Variants in FAM107B observed in about 807,000 individuals in gnomAD.
FAM107B encodes the protein protein FAM107B.
FAM107B carries 21 observed loss-of-function variants against 31.5 expected under a neutral mutation model. That is an observed-to-expected ratio of 0.67 (90% CI 0.47 to 0.96). FAM107B has a LOEUF of 0.96. Among genes scored for constraint, FAM107B ranks in the 40% least tolerant of loss-of-function variants. The pLI is 0.00. For synonymous variants in FAM107B, 157 were observed against 141.5 expected, an observed-to-expected ratio of 1.11 and a Z score of -0.78; for missense variants, 452 against 377.1, an observed-to-expected ratio of 1.20 and a Z score of -1.64.
At chr10:14,740,241 G>A (rs112925155) in intron 1 of FAM107B, among the ~76,000 whole-genome samples, 3 of 152,306 alleles carry the variant, frequency 2.0e-5, no homozygotes, top group African/African-American at 7.2e-5. Context: ...AAACACACAT[G>A]TGGAACATCC....
At chr10:14,522,246 A>G (rs72784932) in intron 3 of FAM107B, 4 of 571,932 alleles carry the variant, frequency 7.0e-6, no homozygotes, top group Admixed American at 3.3e-5. Context: ...TTCAATGACA[A>G]TGTATTGGCC....
At chr10:14,597,617 G>C (rs1196761035) in intron 2 of FAM107B, among the ~76,000 whole-genome samples, 1 of 152,186 alleles carries the variant, frequency 6.6e-6, no homozygotes, top group Non-Finnish European at 1.5e-5. Flanking sequence ...GTGTCCCTGT[G>C]TCCGCATCTT....
chr10:14,633,408 A>G (rs930098092), intron 2 of FAM107B, among the ~76,000 whole-genome samples: 1 of 152,236 alleles, frequency 6.6e-6, no homozygotes, highest in African/African-American at 2.4e-5. Flanking sequence ...TGTTAAAACT[A>G]TTCTGGGAAA....
At chr10:14,533,253 G>C (rs976982432) in intron 2 of FAM107B, among the ~76,000 whole-genome samples, 1 of 152,142 alleles carries the variant, frequency 6.6e-6, no homozygotes, top group Admixed American at 6.6e-5. Context: ...AGCATAGGTA[G>C]GCGGAGAGCC....
intron 1 of FAM107B, among the ~76,000 whole-genome samples, chr10:14,728,344 T>C (rs903856928): frequency 6.6e-6 from 1 of 151,942 alleles, no homozygotes; most frequent in Non-Finnish European, 1.5e-5. Context: ...TGTGTGTGTG[T>C]GTGTGTGCTT....
intron 2 of FAM107B, among the ~76,000 whole-genome samples, chr10:14,598,880 T>G (rs533800251): frequency 6.6e-6 from 1 of 152,154 alleles, no homozygotes; most frequent in South Asian, 2.1e-4. Context: ...CTCAAGGGGT[T>G]ACGGGACTTG....
intron 1 of FAM107B, among the ~76,000 whole-genome samples, chr10:14,734,010 T>G (rs1043384595): frequency 6.6e-6 from 1 of 152,230 alleles, no homozygotes; most frequent in Non-Finnish European, 1.5e-5. Flanking sequence ...CTTGAGCCAC[T>G]GAATTAATAC....
chr10:14,548,928 T>A (rs1564553342), intron 2 of FAM107B, among the ~76,000 whole-genome samples: 1 of 152,022 alleles, frequency 6.6e-6, no homozygotes, highest in East Asian at 1.9e-4. Context: ...GTGGGACCTT[T>A]GAAAGGTAAT....
At chr10:14,609,557 T>A (rs1852676334) in intron 2 of FAM107B, among the ~76,000 whole-genome samples, 1 of 152,184 alleles carries the variant, frequency 6.6e-6, no homozygotes, top group Non-Finnish European at 1.5e-5. Flanking sequence ...AATCCTTCTA[T>A]GCTTCCAATC....
At chr10:14,572,988 G>C (rs1039245192) in intron 2 of FAM107B, among the ~76,000 whole-genome samples, 14 of 151,752 alleles carry the variant, frequency 9.2e-5, no homozygotes, top group African/African-American at 3.4e-4. Context: ...ATATACCAAA[G>C]CAGCAAGAGT....
intron 2 of FAM107B, among the ~76,000 whole-genome samples, chr10:14,634,754 G>A (rs1784315915): frequency 1.3e-5 from 2 of 152,046 alleles, no homozygotes; most frequent in South Asian, 4.1e-4. Context: ...ATCACTGTGG[G>A]GGTGGAGATT....
intron 2 of FAM107B, among the ~76,000 whole-genome samples, chr10:14,662,089 A>G (rs1854256997): frequency 6.6e-6 from 1 of 152,194 alleles, no homozygotes. Context: ...CCCTATGTGG[A>G]GTTATAAACA....
intron 1 of FAM107B, among the ~76,000 whole-genome samples, chr10:14,716,817 C>G (rs1421849559): frequency 6.6e-6 from 1 of 152,174 alleles, no homozygotes; most frequent in Non-Finnish European, 1.5e-5. Context: ...GCGCCAGGCA[C>G]AGTGGCTTAT....
At chr10:14,719,683 T>C (rs1472286145) in intron 1 of FAM107B, among the ~76,000 whole-genome samples, 1 of 152,164 alleles carries the variant, frequency 6.6e-6, no homozygotes, top group East Asian at 1.9e-4. Flanking sequence ...GGTATTTATG[T>C]TCCTCTCTCT....
intron 2 of FAM107B, among the ~76,000 whole-genome samples, chr10:14,651,090 C>T (rs1853886247): frequency 1.3e-5 from 2 of 152,202 alleles, no homozygotes; most frequent in African/African-American, 4.8e-5. Context: ...GCAAGCTGTA[C>T]TAGAATCCTT....
intron 1 of FAM107B, among the ~76,000 whole-genome samples, chr10:14,762,801 C>CAAA (rs1554757453): frequency 7.1e-6 from 1 of 141,140 alleles, no homozygotes; most frequent in African/African-American, 2.6e-5. Context: ...CACACACACA[C>CAAA]AAAAAGAACA....
intron 2 of FAM107B, among the ~76,000 whole-genome samples, chr10:14,540,591 C>T (rs1308022910): frequency 6.6e-6 from 1 of 152,216 alleles, no homozygotes; most frequent in Non-Finnish European, 1.5e-5. Flanking sequence ...TCTTCCCTCC[C>T]TTTAACGCCA....
chr10:14,770,031 T>G (rs937180904), intron 1 of FAM107B, among the ~76,000 whole-genome samples: 1 of 152,162 alleles, frequency 6.6e-6, no homozygotes, highest in Non-Finnish European at 1.5e-5. Context: ...AGGCTGAACA[T>G]GGAGTGCCGT....
At chr10:14,592,716 T>G (rs1245840512) in intron 2 of FAM107B, among the ~76,000 whole-genome samples, 1 of 152,230 alleles carries the variant, frequency 6.6e-6, no homozygotes, top group African/African-American at 2.4e-5. Context: ...TCAAGGCATG[T>G]GCCAGTCAGA....
Sources: gnomAD v4.1 joint callset for allele counts (sites outside exome capture counted in the v4.1 genomes callset) on GRCh38, gnomAD v4.1.1 for gene constraint, MANE v1.5 for transcripts, NCBI Gene and HGNC (gene_info 2026-07-23, HGNC 2026-07-21) for gene names.